LAMA2: variants seen among roughly 807,000 people sequenced by gnomAD.
The protein encoded by LAMA2 is laminin subunit alpha-2.
Under a neutral mutation model 364.8 loss-of-function variants are expected in LAMA2, and 269 were observed. The observed-to-expected ratio is 0.74, with a 90% CI of 0.67 to 0.82. The LOEUF (loss-of-function observed/expected upper bound fraction) is 0.82. Among genes scored for constraint, LAMA2 ranks in the 40% least tolerant of loss-of-function variants. The pLI is 0.00. For synonymous variants in LAMA2, 1,379 were observed against 1,370.6 expected (o/e 1.01, Z -0.14); for missense variants, 3,807 against 3,873.2 (o/e 0.98, Z 0.45).
At position 129,440,713 on chromosome 6, in the gene LAMA2, T is replaced by C. The variant is rs1782062337; in HGVS notation, c.6086-103T>C. On this transcript the variant is annotated intron_variant, in intron 42 of 64. Coordinates refer to ENST00000421865, the MANE Select transcript of LAMA2 (RefSeq NM_000426.4). ...AAGTTCAGCCTTTTCCCTTTGTAAA[T>C]GTGTCCGAGGTCAGCCAGCCACAGC... 42 of 1,002,952 alleles carry C rather than the reference T, an allele frequency of 4.2e-5. No individual in the cohort carries two copies. In the Middle Eastern group the frequency reaches 6.6e-4, roughly 16 times the overall value. 62.1% of individuals were successfully genotyped at this position (1,002,952 alleles called of 1,614,324 possible). A position where few individuals can be genotyped will look rare whatever the true frequency, so the allele number is the denominator to read the frequency against.
chr6:129,194,673 A>G (rs1478625218), intron 12 of LAMA2, among the ~76,000 whole-genome samples: 1 of 152,208 alleles, frequency 6.6e-6, no homozygotes, highest in African/African-American at 2.4e-5. Flanking sequence ...TTTTAATGTA[A>G]CGTGGAAGCC....
At chr6:128,885,430 AACTAAAAC>A (rs2114365958) in intron 1 of LAMA2, among the ~76,000 whole-genome samples, 1 of 152,358 alleles carries the variant, frequency 6.6e-6, no homozygotes, top group African/African-American at 2.4e-5. Context: ...TTATTTCAAC[AACTAAAAC>A]ACTTCCGGTA....
intron 1 of LAMA2, among the ~76,000 whole-genome samples, chr6:129,041,639 T>C (rs980686786): frequency 6.6e-6 from 1 of 152,196 alleles, no homozygotes; most frequent in Non-Finnish European, 1.5e-5. Context: ...AACATTTTAT[T>C]TTGAAAATTT....
chr6:129,105,307 C>T (rs1775756329), intron 4 of LAMA2, among the ~76,000 whole-genome samples: 2 of 152,122 alleles, frequency 1.3e-5, no homozygotes, highest in Non-Finnish European at 2.9e-5. Context: ...TATCACAGCC[C>T]AAGTGCTGCC....
intron 1 of LAMA2, among the ~76,000 whole-genome samples, chr6:128,985,139 C>G (rs964237953): frequency 6.6e-6 from 1 of 152,010 alleles, no homozygotes; most frequent in Non-Finnish European, 1.5e-5. Flanking sequence ...TGTGCATGGT[C>G]CTGAATGTGG....
At chr6:128,989,358 G>T (rs892373153) in intron 1 of LAMA2, among the ~76,000 whole-genome samples, 3 of 152,136 alleles carry the variant, frequency 2.0e-5, no homozygotes, top group African/African-American at 7.2e-5. Context: ...AATCATGCAT[G>T]CTCCTCACAT....
Position 129,391,746 on chromosome 6 carries a change from A to G in LAMA2, c.5234+93A>G, listed in dbSNP as rs1002181396. ...AATTTTTATCACACGTATAAGTAAAAGATGCTTTGTTTTTCCAACCTGGAG... is the reference window on the plus strand; with the variant it reads ...AATTTTTATCACACGTATAAGTAAAGGATGCTTTGTTTTTCCAACCTGGAG... On this transcript the variant is annotated intron_variant, in intron 36 of 64. Transcript: ENST00000421865. 7.3e-6 allele frequency: 8 copies of G among 1,100,222 alleles called. No homozygotes were observed. The Admixed American group carries it at 1.5e-4, about 21-fold the overall frequency. 68.2% of individuals were successfully genotyped at this position (1,100,222 alleles called of 1,614,324 possible).
chr6:129,172,740 G>A lies in LAMA2; in HGVS notation c.1307-4966G>A, dbSNP rs546469238. Among the ~76,000 whole-genome samples the A allele has an allele frequency of 2.6e-5, 4 of 152,230 alleles. No individual in the cohort carries two copies. In the East Asian group the frequency reaches 7.7e-4, roughly 29 times the overall value. On this transcript the variant is annotated intron_variant, in intron 9 of 64. Coordinates refer to ENST00000421865, the MANE Select transcript of LAMA2 (RefSeq NM_000426.4). ...CCAGCTGCTTTGTTTACCTAATCAA[G>A]CCTGGGCAATGGCGGCGCCCCTCCC...
Position 129,342,467 on chromosome 6 carries a change from A to C in LAMA2, c.4436A>C (p.Asn1479Thr). 6.2e-7 allele frequency: 1 copy of C among 1,612,830 alleles called. No homozygotes were observed. The highest frequency in any genetic ancestry group is 8.5e-7 in the Non-Finnish European group (1 of 1,179,054). ...TGCCCTCTGATTTCTTCCAGTAACA[A>C]GTAAGATTGAGAAATATAACCATAT... Reference protein sequence around the residue: ...CACPLISSSNNFSPSCVAEGL... With the variant: ...CACPLISSSNTFSPSCVAEGL... The change falls in exon 30 of 65, where the codon AAT becomes ACT. Residue 1479 changes from asparagine (N) to threonine (T), a missense_variant and splice_region_variant. Transcript: ENST00000421865.
At chr6:129,495,522 A>G (rs1785120283) in intron 58 of LAMA2, among the ~76,000 whole-genome samples, 1 of 152,182 alleles carries the variant, frequency 6.6e-6, no homozygotes, top group African/African-American at 2.4e-5. Context: ...AATGTTTTTA[A>G]TAGATATATC....
chr6:129,444,884 T>C (rs1456300545), intron 44 of LAMA2, among the ~76,000 whole-genome samples: 2 of 152,258 alleles, frequency 1.3e-5, no homozygotes, highest in Admixed American at 6.5e-5. Flanking sequence ...ATCCCAGCAA[T>C]AGAATAAGTG....
Position 129,401,255 on chromosome 6 carries a change from G to A in LAMA2, c.5477G>A (p.Arg1826Gln), listed in dbSNP as rs373614496. The A allele has an allele frequency of 3.1e-5, 50 of 1,611,724 alleles. No individual in the cohort carries two copies. Among genetic ancestry groups the A allele is most frequent in the Middle Eastern group, 1.6e-4 (1 of 6,078 alleles). The change falls in exon 38 of 65, where the codon CGA becomes CAA. Residue 1826 changes from arginine to glutamine, a missense_variant. Arg to Gln is a conservative substitution (Grantham distance 43). Transcript: ENST00000421865. ...KKKEAVESGK[R>Q]QIENTLKEGN... ...AAGGAGGCTGTTGAAAGCGGCAAACGACAAATTGAGAACACTTTAAAAGAG... is the reference window on the plus strand; with the variant it reads ...AAGGAGGCTGTTGAAAGCGGCAAACAACAAATTGAGAACACTTTAAAAGAG...
chr6:128,886,469 T>C (rs1343246239), intron 1 of LAMA2, among the ~76,000 whole-genome samples: 5 of 152,164 alleles, frequency 3.3e-5, no homozygotes, highest in Non-Finnish European at 5.9e-5. Context: ...ACAAAACTCA[T>C]AGAAGCACAT....
intron 1 of LAMA2, among the ~76,000 whole-genome samples, chr6:129,022,283 G>A (rs1311931146): frequency 6.6e-6 from 1 of 152,130 alleles, no homozygotes; most frequent in Admixed American, 6.5e-5. Flanking sequence ...GGTTTTTAAG[G>A]CTGAGATTCT....
chr6:128,884,903 G>T lies in LAMA2; in HGVS notation c.112+1546G>T, dbSNP rs116686719. On this transcript the variant is annotated intron_variant, in intron 1 of 64. Coordinates refer to ENST00000421865, the MANE Select transcript of LAMA2 (RefSeq NM_000426.4). Reference sequence around the variant, plus strand: ...CAGAAACTCAAAGCATGCAGAGTAAGGATCAAGTAAATTGTTGCTAAGAAT... The same window carrying T: ...CAGAAACTCAAAGCATGCAGAGTAATGATCAAGTAAATTGTTGCTAAGAAT... Among the ~76,000 whole-genome samples, 1,421 of 152,248 alleles carry T rather than the reference G, an allele frequency of 9.3e-3. 20 individuals are homozygous for T. The highest frequency in any genetic ancestry group is 0.033 in the African/African-American group (1,354 of 41,520).
intron 1 of LAMA2, among the ~76,000 whole-genome samples, chr6:128,992,074 T>C (rs1434135746): frequency 6.6e-6 from 1 of 152,198 alleles, no homozygotes. Context: ...AGCCTTAGCA[T>C]TTATAGATGT....
intron 22 of LAMA2, among the ~76,000 whole-genome samples, chr6:129,308,169 CATT>C (rs935448843): frequency 2.6e-5 from 4 of 152,130 alleles, no homozygotes; most frequent in African/African-American, 9.7e-5. Context: ...TTGTCAATAG[CATT>C]ATTAAGTTTA....
At chr6:129,209,775 G>A (rs1362212760) in intron 12 of LAMA2, among the ~76,000 whole-genome samples, 2 of 151,842 alleles carry the variant, frequency 1.3e-5, no homozygotes, top group Non-Finnish European at 2.9e-5. Context: ...AGGCTGAGGC[G>A]GGCGGATAAC....
At chr6:129,066,363 G>A (rs574585967) in intron 3 of LAMA2, among the ~76,000 whole-genome samples, 142 of 152,176 alleles carry the variant, frequency 9.3e-4, no homozygotes, top group African/African-American at 3.2e-3. Context: ...GTCTTTATCA[G>A]CAGTGTAAAA....
Sources: allele counts gnomAD v4.1 joint callset (sites outside exome capture counted in the v4.1 genomes callset), GRCh38; gene constraint gnomAD v4.1.1; transcripts MANE v1.5; gene names NCBI Gene and HGNC (gene_info 2026-07-23, HGNC 2026-07-21).